The following MIPOL1 variants were observed in gnomAD, a reference collection of about 807,000 sequenced individuals.
MIPOL1 encodes mirror-image polydactyly 1.
In MIPOL1, 57 loss-of-function variants were observed where a neutral mutation model predicts 60.9. The ratio of observed to expected loss-of-function variants is 0.94; its 90% CI spans 0.76 to 1.17. The LOEUF is 1.17. MIPOL1 is among the 50% of genes most tolerant of loss of function. The pLI is 0.00. For missense variants in MIPOL1, 551 were observed against 511.6 expected (o/e 1.08, Z -0.74); for synonymous variants, 179 against 168.8 (o/e 1.06, Z -0.47).
chr14:37,538,963 G>T (rs1221191151), intron 12 of MIPOL1, among the ~76,000 whole-genome samples: 1 of 152,162 alleles, frequency 6.6e-6, no homozygotes, highest in Non-Finnish European at 1.5e-5. Flanking sequence ...AGCACTTTGG[G>T]AGGCCGAGGC....
At chr14:37,419,075 T>A (rs963656491) in intron 10 of MIPOL1, among the ~76,000 whole-genome samples, 1 of 152,076 alleles carries the variant, frequency 6.6e-6, no homozygotes, top group African/African-American at 2.4e-5. Context: ...TATTAGTAAT[T>A]GCCAAAGAAC....
rs1965507697 is a variant in MIPOL1, at chr14:37,202,595, G to A, written c.-199+4491G>A. On this transcript the variant is annotated intron_variant, in intron 1 of 12. Transcript: ENST00000684589. Reference sequence around the variant, plus strand: ...CAGACAAGGGAGTCCCCTCCCTCCAGGGCTTCAGACTTCATAAGGGAGCAA... The same window carrying A: ...CAGACAAGGGAGTCCCCTCCCTCCAAGGCTTCAGACTTCATAAGGGAGCAA... 3.9e-5 allele frequency among the ~76,000 whole-genome samples: 6 copies of A among 152,182 alleles called. No homozygotes were observed. The South Asian group carries it at 1.2e-3, about 31-fold the overall frequency.
At chr14:37,455,511 G>A (rs768592327) in intron 11 of MIPOL1, among the ~76,000 whole-genome samples, 7 of 152,014 alleles carry the variant, frequency 4.6e-5, no homozygotes, top group African/African-American at 7.2e-5. Flanking sequence ...TGCTCTTGTC[G>A]TGTACTTGAG....
At chr14:37,480,397 A>ATTTATTTAGACAACGT (rs2153598095) in intron 11 of MIPOL1, among the ~76,000 whole-genome samples, 1 of 152,324 alleles carries the variant, frequency 6.6e-6, no homozygotes, top group Admixed American at 6.5e-5. Flanking sequence ...GGTGAAACGT[A>ATTTATTTAGACAACGT]TGCAAATCAA....
At chr14:37,367,978 C>T (rs2092529645) in intron 9 of MIPOL1, among the ~76,000 whole-genome samples, 1 of 151,676 alleles carries the variant, frequency 6.6e-6, no homozygotes, top group South Asian at 2.1e-4. Context: ...CATGTGTCTC[C>T]TGAAAATAAA....
intron 1 of MIPOL1, among the ~76,000 whole-genome samples, chr14:37,237,111 G>A (rs1303698874): frequency 6.6e-6 from 1 of 151,980 alleles, no homozygotes; most frequent in Non-Finnish European, 1.5e-5. Flanking sequence ...GTCTTCCCCA[G>A]TCATTTCTTG....
chr14:37,273,352 A>G (rs998810300), intron 6 of MIPOL1, among the ~76,000 whole-genome samples: 11 of 151,144 alleles, frequency 7.3e-5, no homozygotes, highest in African/African-American at 2.7e-4. Context: ...TGTTAAAAAA[A>G]AACATTGCTT....
chr14:37,539,626 G>T (rs775849781), intron 12 of MIPOL1, among the ~76,000 whole-genome samples: 1 of 152,078 alleles, frequency 6.6e-6, no homozygotes, highest in African/African-American at 2.4e-5. Context: ...GACTGGAAGT[G>T]TTAGCCTCAA....
intron 11 of MIPOL1, among the ~76,000 whole-genome samples, chr14:37,499,306 T>G (rs2095179522): frequency 6.6e-6 from 1 of 152,286 alleles, no homozygotes; most frequent in East Asian, 1.9e-4. Context: ...AATGAGTAGA[T>G]GTATTCGTTA....
At chr14:37,423,683 T>C (rs1054876521) in intron 11 of MIPOL1, 1 of 152,098 alleles carries the variant, frequency 6.6e-6, no homozygotes, top group Non-Finnish European at 1.5e-5. Context: ...AAGTCTGAAA[T>C]GTAGGAATTC....
At chr14:37,541,580 G>A (rs2095529863) in intron 12 of MIPOL1, among the ~76,000 whole-genome samples, 1 of 151,946 alleles carries the variant, frequency 6.6e-6, no homozygotes, top group Admixed American at 6.6e-5. Flanking sequence ...TCAAATCCCT[G>A]GTCACCTCCC....
intron 11 of MIPOL1, among the ~76,000 whole-genome samples, chr14:37,439,518 C>A (rs2094210394): frequency 6.6e-6 from 1 of 152,096 alleles, no homozygotes; most frequent in East Asian, 1.9e-4. Flanking sequence ...AGAAATACTT[C>A]AATACTTTAT....
intron 9 of MIPOL1, among the ~76,000 whole-genome samples, chr14:37,353,886 T>C (rs2091599665): frequency 6.6e-6 from 1 of 152,098 alleles, no homozygotes; most frequent in Non-Finnish European, 1.5e-5. Context: ...TTTTGAATGG[T>C]TTTTTGTGTC....
intron 11 of MIPOL1, among the ~76,000 whole-genome samples, chr14:37,482,826 C>T (rs930215477): frequency 2.0e-5 from 3 of 152,050 alleles, no homozygotes; most frequent in African/African-American, 7.2e-5. Flanking sequence ...AAAAGGGAAC[C>T]CTTGTATACT....
chr14:37,430,168 A>T (rs1431871828), intron 11 of MIPOL1, among the ~76,000 whole-genome samples: 1 of 152,180 alleles, frequency 6.6e-6, no homozygotes, highest in Non-Finnish European at 1.5e-5. Context: ...GAACACAAGA[A>T]GACTTGAATT....
At chr14:37,515,308 T>G (rs1299623367) in intron 12 of MIPOL1, among the ~76,000 whole-genome samples, 1 of 151,272 alleles carries the variant, frequency 6.6e-6, no homozygotes, top group Admixed American at 6.6e-5. Context: ...AAAAAAAAGC[T>G]ATACTATTGT....
chr14:37,203,852 G>C (rs2139143601), intron 1 of MIPOL1, among the ~76,000 whole-genome samples: 1 of 152,216 alleles, frequency 6.6e-6, no homozygotes, highest in Non-Finnish European at 1.5e-5. Context: ...GTGCGATCTT[G>C]GCTCACTGCA....
Position 37,316,624 on chromosome 14 carries a change from G to A in MIPOL1, c.828+8105G>A, listed in dbSNP as rs1162379483. On this transcript the variant is annotated intron_variant, in intron 9 of 12. Coordinates refer to ENST00000684589, the MANE Select transcript of MIPOL1 (RefSeq NM_001388067.1). ...TTTTTTTTCCTTTCTTTTTTTAATG[G>A]GATGTTCTAGCACATGTGGTTGTTG... 1.0e-4 allele frequency among the ~76,000 whole-genome samples: 15 copies of A among 146,580 alleles called. No homozygotes were observed. In the Admixed American group the frequency reaches 1.0e-3, roughly 10 times the overall value.
intron 10 of MIPOL1, among the ~76,000 whole-genome samples, chr14:37,393,142 T>C (rs1759712154): frequency 6.6e-6 from 1 of 152,072 alleles, no homozygotes; most frequent in Admixed American, 6.6e-5. Context: ...TGATGGCAAC[T>C]ACCAGAACCT....
Sources: gnomAD v4.1 joint callset for allele counts (sites outside exome capture counted in the v4.1 genomes callset) on GRCh38, gnomAD v4.1.1 for gene constraint, MANE v1.5 for transcripts, NCBI Gene and HGNC (gene_info 2026-07-23, HGNC 2026-07-21) for gene names.